The following CHCT1 variants were observed in gnomAD, a reference collection of about 807,000 sequenced individuals.
CHCT1 encodes CHD1 helical C-terminal domain containing 1, also known as CHD1 helical C-terminal domain containing protein 1.
At chr17:60,431,270 G>T in the CHCT1 span, 1 of 1,591,886 alleles carries the variant, frequency 6.3e-7, no homozygotes, top group South Asian at 1.1e-5. Flanking sequence ...ACCGTAAGAA[G>T]ACCAACTGGG....
the CHCT1 span, chr17:60,431,226 G>A: frequency 3.7e-6 from 6 of 1,605,652 alleles, no homozygotes; most frequent in South Asian, 6.7e-5. Flanking sequence ...AAGAGGAAGA[G>A]GATAAAGGAA....
chr17:60,429,381 A>G, the CHCT1 span: 14 of 1,613,594 alleles, frequency 8.7e-6, no homozygotes, highest in Non-Finnish European at 1.2e-5. Flanking sequence ...TGCGCCTCGG[A>G]TGCGCCGGAG....
chr17:60,422,725 AAGAAG>A, the CHCT1 span: 1 of 1,384,882 alleles, frequency 7.2e-7, no homozygotes, highest in Non-Finnish European at 9.7e-7. Context: ...AAATTCAGGA[AAGAAG>A]AGAAGAACAA....
At chr17:60,422,527 A>C in the CHCT1 span, 6 of 1,544,144 alleles carry the variant, frequency 3.9e-6, no homozygotes, top group Admixed American at 1.2e-4. Flanking sequence ...TCACAGAAGC[A>C]GTGGGTCAGA....
chr17:60,428,024 A>G, the CHCT1 span, among the ~76,000 whole-genome samples: 1 of 152,152 alleles, frequency 6.6e-6, no homozygotes, highest in Non-Finnish European at 1.5e-5. Context: ...ATGAGGTCAA[A>G]ATATTACAGG....
At chr17:60,425,596 G>GT in the CHCT1 span, among the ~76,000 whole-genome samples, 1 of 152,188 alleles carries the variant, frequency 6.6e-6, no homozygotes, top group African/African-American at 2.4e-5. Context: ...AATATTCTAG[G>GT]TTTTCTAAGC....
At chr17:60,426,058 G>A in the CHCT1 span, 1 of 1,359,134 alleles carries the variant, frequency 7.4e-7, no homozygotes, top group Non-Finnish European at 1.0e-6. Context: ...GCAGCACTGG[G>A]CCACTCAGGG....
the CHCT1 span, among the ~76,000 whole-genome samples, chr17:60,428,485 ATT>A: frequency 0.018 from 2,439 of 134,406 alleles, 78 homozygotes; most frequent in African/African-American, 0.063. Context: ...ATTGGCCTGA[ATT>A]TTTTTTTTTT....
chr17:60,426,265 G>A, the CHCT1 span: 1 of 1,551,936 alleles, frequency 6.4e-7, no homozygotes. Flanking sequence ...AGAGCCTTGT[G>A]GTCCTAGGGG....
At chr17:60,421,762 C>A in the CHCT1 span, 3 of 877,592 alleles carry the variant, frequency 3.4e-6, no homozygotes, top group Non-Finnish European at 2.7e-6. Context: ...TTTCCGCCCT[C>A]GGCCTCGGGT....
the CHCT1 span, among the ~76,000 whole-genome samples, chr17:60,430,382 G>A: frequency 3.9e-5 from 6 of 152,170 alleles, no homozygotes; most frequent in East Asian, 3.9e-4. Context: ...TGGACCCACC[G>A]GGAATGGGCT....
the CHCT1 span, chr17:60,426,257 A>G: frequency 6.4e-7 from 1 of 1,552,036 alleles, no homozygotes. Context: ...CATGAAGCAG[A>G]GCCTTGTGGT....
the CHCT1 span, chr17:60,426,880 C>A: frequency 1.3e-6 from 2 of 1,542,102 alleles, no homozygotes; most frequent in East Asian, 4.9e-5. Flanking sequence ...CTTAGACTTG[C>A]GGGGAGGCCT....
chr17:60,426,411 G>A, the CHCT1 span: 1 of 1,401,096 alleles, frequency 7.1e-7, no homozygotes, highest in South Asian at 1.4e-5. Flanking sequence ...GGACACCTTA[G>A]TCAATCCCCC....
At chr17:60,423,667 T>A in the CHCT1 span, among the ~76,000 whole-genome samples, 1 of 152,330 alleles carries the variant, frequency 6.6e-6, no homozygotes, top group Admixed American at 6.5e-5. Flanking sequence ...GGTTTTGCCA[T>A]GCTGGCCAGG....
At chr17:60,428,739 G>A in the CHCT1 span, among the ~76,000 whole-genome samples, 1 of 151,774 alleles carries the variant, frequency 6.6e-6, no homozygotes, top group African/African-American at 2.4e-5. Flanking sequence ...TGCCCTCCTC[G>A]ACCTTCCAAA....
At chr17:60,426,528 G>T in the CHCT1 span, 9 of 1,058,204 alleles carry the variant, frequency 8.5e-6, no homozygotes, top group Admixed American at 1.9e-4. Context: ...GAACAACTGC[G>T]TGCAGGCGCT....
chr17:60,422,772 A>C, the CHCT1 span: 1 of 977,694 alleles, frequency 1.0e-6, no homozygotes, highest in Non-Finnish European at 1.5e-6. Flanking sequence ...AAGAGGCCTA[A>C]AGCACAAGAA....
chr17:60,430,425 A>G, the CHCT1 span, among the ~76,000 whole-genome samples: 1 of 152,104 alleles, frequency 6.6e-6, no homozygotes, highest in Non-Finnish European at 1.5e-5. Flanking sequence ...CTTGCAATGA[A>G]AATAACCTAT....
Sources: allele counts gnomAD v4.1 joint callset (sites outside exome capture counted in the v4.1 genomes callset), GRCh38; gene constraint gnomAD v4.1.1; transcripts MANE v1.5; gene names NCBI Gene and HGNC (gene_info 2026-07-23, HGNC 2026-07-21).